POLR1B: variants seen among roughly 807,000 people sequenced by gnomAD.
POLR1B encodes DNA-directed RNA polymerase I subunit RPA2.
Under a neutral mutation model 105.8 loss-of-function variants are expected in POLR1B, and 30 were observed. The ratio of observed to expected loss-of-function variants is 0.28; its 90% CI spans 0.21 to 0.38. The LOEUF (loss-of-function observed/expected upper bound fraction) is 0.38. Ranked by LOEUF, POLR1B falls within the 10% of genes least tolerant of loss-of-function variation. The pLI, the probability that POLR1B is intolerant of heterozygous loss-of-function variation, is 1.00. For missense variants in POLR1B, 976 were observed against 1,435.8 expected (o/e 0.68, Z 5.17); for synonymous variants, 485 against 505.1 (o/e 0.96, Z 0.53).
chr2:112,557,017 C>T (rs1362580115), intron 7 of POLR1B, among the ~76,000 whole-genome samples: 1 of 152,154 alleles, frequency 6.6e-6, no homozygotes, highest in African/African-American at 2.4e-5. Flanking sequence ...GGTGTGGTGG[C>T]TCACGCCTGT....
At chr2:112,572,158 G>A (rs538335432) in intron 12 of POLR1B, among the ~76,000 whole-genome samples, 10 of 152,150 alleles carry the variant, frequency 6.6e-5, no homozygotes, top group Non-Finnish European at 1.2e-4. Context: ...ATCTAATTAC[G>A]TAATAATTCC....
chr2:112,575,625 A>T lies in POLR1B; in HGVS notation c.3304A>T (p.Ser1102Cys). ...RNRKYNCTLC[S>C]RSDTIDTVSV... ...CAGAAAATACAACTGTACTCTGTGT[A>T]GTCGCAGTGACACTATCGATACTGT... Residue 1102 changes from serine to cysteine, a missense_variant, in exon 15 of 15, where the codon AGT (serine) becomes TGT (cysteine). By Grantham distance (112) the Ser-to-Cys change is moderately radical. Transcript: ENST00000263331. The surrounding 1 kb of genome is among the most constrained non-coding windows in gnomAD (Gnocchi z 5.3). 6.2e-7 allele frequency: 1 copy of T among 1,614,170 alleles called. No individual in the cohort carries two copies. Among genetic ancestry groups the T allele is most frequent in the South Asian group, 1.1e-5 (1 of 91,082 alleles).
At position 112,579,611 on chromosome 2, in the gene POLR1B, A is replaced by T. The variant is rs1685007307; in HGVS notation, c.*3882A>T. On this transcript the variant is annotated 3_prime_UTR_variant, in exon 15 of 15. Transcript: ENST00000263331. ...ACTATTTCTTATTTTAGCCATTCTG[A>T]TAGATGTGTAGTGATATCTCATTGT... is the stretch of plus-strand genomic sequence containing the variant. 6.6e-6 allele frequency: 1 copy of T among 152,204 alleles called. No homozygotes were observed. The highest frequency in any genetic ancestry group is 2.4e-5 in the African/African-American group (1 of 41,450). 9.4% of individuals were successfully genotyped at this position (152,204 alleles called of 1,614,324 possible).
intron 10 of POLR1B, among the ~76,000 whole-genome samples, chr2:112,565,158 A>G (rs1684212049): frequency 6.6e-6 from 1 of 152,208 alleles, no homozygotes; most frequent in Non-Finnish European, 1.5e-5. Context: ...GTGTACAAAT[A>G]TCTATTTAAG....
chr2:112,543,548 A>C (rs897006106), intron 1 of POLR1B, among the ~76,000 whole-genome samples: 1 of 152,202 alleles, frequency 6.6e-6, no homozygotes, highest in Non-Finnish European at 1.5e-5. Context: ...GGGGAAGAGT[A>C]GAGCAGAGTC....
Position 112,552,791 on chromosome 2 carries a change from G to C in POLR1B, c.1133G>C (p.Gly378Ala). The C allele has an allele frequency of 6.3e-7, 1 of 1,599,058 alleles. No homozygotes were observed. Among genetic ancestry groups the C allele is most frequent in the Non-Finnish European group, 8.5e-7 (1 of 1,174,198 alleles). ...SLVNQEVLTP[G>A]QLFLMFLKEK... is the part of the protein sequence containing the mutation. ...GTGAACCAGGAAGTCCTCACACCGG[G>C]TCAGCTCTTCCTTATGTTCCTGAAG... Residue 378 changes from glycine to alanine, a missense_variant, in exon 7 of 15, where the codon GGT (glycine) becomes GCT (alanine). Physicochemically the swap from Gly to Ala is moderately conservative, Grantham distance 60. Coordinates refer to ENST00000263331, the MANE Select transcript of POLR1B (RefSeq NM_019014.6).
chr2:112,568,151 T>A lies in POLR1B; in HGVS notation c.1917+14T>A. 10 of 1,606,736 alleles carry A rather than the reference T, an allele frequency of 6.2e-6. No individual in the cohort carries two copies. The highest frequency in any genetic ancestry group is 8.5e-6 in the Non-Finnish European group (10 of 1,173,848). ...ACTATGGAACAGGTAAATACATATG[T>A]GTGATGGATGAGTGTATGTGCTTGT... On this transcript the variant is annotated intron_variant, in intron 11 of 14. Coordinates refer to ENST00000263331, the MANE Select transcript of POLR1B (RefSeq NM_019014.6).
intron 9 of POLR1B, among the ~76,000 whole-genome samples, chr2:112,561,352 G>A (rs753853299): frequency 8.5e-5 from 13 of 152,118 alleles, no homozygotes; most frequent in Non-Finnish European, 1.9e-4. Flanking sequence ...CCTAACTTTC[G>A]ATAGAGATGT....
intron 7 of POLR1B, among the ~76,000 whole-genome samples, chr2:112,554,948 A>G (rs1683574185): frequency 6.6e-6 from 1 of 152,066 alleles, no homozygotes; most frequent in Non-Finnish European, 1.5e-5. Flanking sequence ...TGAGATGCCA[A>G]GGTGGGTGGA....
At chr2:112,569,443 A>G (rs1179253656) in intron 12 of POLR1B, among the ~76,000 whole-genome samples, 1 of 152,244 alleles carries the variant, frequency 6.6e-6, no homozygotes, top group African/African-American at 2.4e-5. Context: ...CACTGGATAT[A>G]CAATTCTGAG....
At chr2:112,564,061 C>T (rs557905829) in intron 9 of POLR1B, among the ~76,000 whole-genome samples, 1 of 149,682 alleles carries the variant, frequency 6.7e-6, no homozygotes, top group South Asian at 2.1e-4. Flanking sequence ...GTAGTAACAT[C>T]AGAGATCACT....
At position 112,576,239 on chromosome 2, in the gene POLR1B, G is replaced by A. The variant is rs1684850714; in HGVS notation, c.*510G>A. ...TACAATTTGATGGGTCTGACTATAT[G>A]CACACACCTTTGATACCATCACCAC... On this transcript the variant is annotated 3_prime_UTR_variant, in exon 15 of 15. Coordinates refer to ENST00000263331, the MANE Select transcript of POLR1B (RefSeq NM_019014.6). 1 of 153,906 alleles carries A rather than the reference G, an allele frequency of 6.5e-6. No individual in the cohort carries two copies. Among genetic ancestry groups the A allele is most frequent in the Admixed American group, 6.4e-5 (1 of 15,570 alleles). The allele number at this position is 153,906 out of a possible 1,614,324, so 9.5% of individuals were successfully genotyped here.
chr2:112,568,677 T>C lies in POLR1B; in HGVS notation c.1918-69T>C, dbSNP rs1003047892. The C allele has an allele frequency of 2.0e-6, 3 of 1,535,926 alleles. No homozygotes were observed. In the African/African-American group the frequency reaches 4.1e-5, roughly 21 times the overall value. On this transcript the variant is annotated intron_variant, in intron 11 of 14. Coordinates refer to ENST00000263331, the MANE Select transcript of POLR1B (RefSeq NM_019014.6). ...TCTTGAGTCTTTGAGTACTGAACTC[T>C]GAGAAATGGTAAGAGTAAATGTGTA...
chr2:112,549,354 A>G lies in POLR1B; in HGVS notation c.580A>G (p.Ile194Val). The G allele has an allele frequency of 1.9e-6, 3 of 1,613,932 alleles. No individual in the cohort carries two copies. The highest frequency in any genetic ancestry group is 2.5e-6 in the Non-Finnish European group (3 of 1,179,806). The part of the protein sequence containing the change: ...MPRRNFPIAM[I>V]RPKWKTRGPG... The stretch of plus-strand genomic sequence containing the variant: ...TCGGAGAAATTTTCCCATTGCAATG[A>G]TAAGACCAAAATGGAAAACCAGAGG... The change falls in exon 4 of 15, where the codon ATA (isoleucine) becomes GTA (valine). Residue 194 changes from isoleucine (I) to valine (V), a missense_variant. Coordinates refer to ENST00000263331, the MANE Select transcript of POLR1B (RefSeq NM_019014.6).
chr2:112,569,827 T>C (rs1329285340), intron 12 of POLR1B, among the ~76,000 whole-genome samples: 2 of 152,030 alleles, frequency 1.3e-5, no homozygotes, highest in Non-Finnish European at 2.9e-5. Context: ...CCCAAAGTGC[T>C]GTATTACAGG....
Position 112,552,011 on chromosome 2 carries a change from TGTCTAA to T in POLR1B, c.986+14_986+19del. On this transcript the variant is annotated intron_variant, in intron 6 of 14. Coordinates refer to ENST00000263331, the MANE Select transcript of POLR1B (RefSeq NM_019014.6). Reference sequence around the variant, plus strand: ...AGTTCCTGTTTAAGTATGTGTGCTTTGTCTAAACTGTTTTTGGAGGGGCGGAGGGCT... The same window carrying T: ...AGTTCCTGTTTAAGTATGTGTGCTTTACTGTTTTTGGAGGGGCGGAGGGCT... The T allele has an allele frequency of 6.2e-7, 1 of 1,606,142 alleles. No individual in the cohort carries two copies.
At chr2:112,550,825 T>C (rs1263724353) in intron 4 of POLR1B, 41 bp from the exon 5 acceptor site, 3 of 1,601,416 alleles carry the variant, frequency 1.9e-6, no homozygotes, top group African/African-American at 2.7e-5. Context: ...GCAATTAAGA[T>C]ATCAATGAGT....
In POLR1B at chr2:112,564,373, T is replaced by G. The variant is rs1435986802; in HGVS notation, c.1620T>G (p.Thr540=). The G allele has an allele frequency of 6.2e-7, 1 of 1,614,084 alleles. No homozygotes were observed. Among genetic ancestry groups the G allele is most frequent in the Non-Finnish European group, 8.5e-7 (1 of 1,179,964 alleles). ...GTTTGTTTCCTTTACCAGGGGTCACTCCCATTGATGGAGCTCCCCACCGAT... is the reference window on the plus strand; with the variant it reads ...GTTTGTTTCCTTTACCAGGGGTCACGCCCATTGATGGAGCTCCCCACCGAT... ...IPALLCNLGV[T]PIDGAPHRSY... The change falls in exon 10 of 15, where the codon ACT becomes ACG. Residue 540 remains threonine (T), a synonymous_variant. Coordinates refer to ENST00000263331, the MANE Select transcript of POLR1B (RefSeq NM_019014.6).
At chr2:112,562,691 T>C (rs1169221091) in intron 9 of POLR1B, among the ~76,000 whole-genome samples, 1 of 151,846 alleles carries the variant, frequency 6.6e-6, no homozygotes, top group Non-Finnish European at 1.5e-5. Context: ...CGGTGGTTGC[T>C]GAAGGTTAGG....
Sources: allele counts gnomAD v4.1 joint callset (sites outside exome capture counted in the v4.1 genomes callset), GRCh38; gene constraint gnomAD v4.1.1; non-coding constraint Gnocchi (gnomAD v3.1); transcripts MANE v1.5; gene names NCBI Gene and HGNC (gene_info 2026-07-23, HGNC 2026-07-21).